LARP1: variants seen among roughly 807,000 people sequenced by gnomAD.
LARP1 encodes the protein la-related protein 1.
LARP1 carries 36 observed loss-of-function variants against 122.7 expected under a neutral mutation model. The ratio of observed to expected loss-of-function variants is 0.29; its 90% CI spans 0.22 to 0.39. The LOEUF (loss-of-function observed/expected upper bound fraction) is 0.39. Among genes scored for constraint, LARP1 ranks in the 10% least tolerant of loss-of-function variants. LARP1 has a pLI of 1.00. For missense variants in LARP1, 1,040 were observed against 1,403.6 expected, an observed-to-expected ratio of 0.74 and a Z score of 4.14; for synonymous variants, 539 against 528.7, an observed-to-expected ratio of 1.02 and a Z score of -0.27.
intron 1 of LARP1, among the ~76,000 whole-genome samples, chr5:154,694,992 G>T (rs1309445449): frequency 6.6e-6 from 1 of 151,870 alleles, no homozygotes; most frequent in Non-Finnish European, 1.5e-5. Context: ...GTGAGCCACT[G>T]CACCTGGCCC....
At chr5:154,711,807 G>T (rs1233073), upstream of LARP1, among the ~76,000 whole-genome samples, 39 of 152,260 alleles carry the variant, frequency 2.6e-4, no homozygotes, top group East Asian at 4.1e-3. Flanking sequence ...CTGCTTCGGG[G>T]ACCTTATACT....
chr5:154,776,570 A>C (rs1006003423), intron 1 of LARP1, among the ~76,000 whole-genome samples: 2 of 152,232 alleles, frequency 1.3e-5, no homozygotes, highest in Non-Finnish European at 2.9e-5. Flanking sequence ...AGTCTCACTC[A>C]TTGGCAGCTC....
At chr5:154,775,092 T>C (rs1755763089) in intron 1 of LARP1, among the ~76,000 whole-genome samples, 1 of 152,112 alleles carries the variant, frequency 6.6e-6, no homozygotes, top group South Asian at 2.1e-4. Context: ...GAGGATCACT[T>C]GAGCCTAGGA....
At chr5:154,778,126 G>C (rs997514706) in intron 1 of LARP1, among the ~76,000 whole-genome samples, 1 of 152,034 alleles carries the variant, frequency 6.6e-6, no homozygotes, top group Non-Finnish European at 1.5e-5. Flanking sequence ...TGGGCGTGGT[G>C]GTGGGCGCCT....
intron 1 of LARP1, among the ~76,000 whole-genome samples, chr5:154,775,516 T>A (rs954035890): frequency 2.7e-5 from 4 of 148,206 alleles, no homozygotes; most frequent in Non-Finnish European, 4.5e-5. Flanking sequence ...AAAAGGCGAC[T>A]CCCCTGCGGC....
chr5:154,746,059 G>C (rs1753180723), intron 1 of LARP1, among the ~76,000 whole-genome samples: 1 of 152,156 alleles, frequency 6.6e-6, no homozygotes, highest in Non-Finnish European at 1.5e-5. Context: ...TGGACTCCCA[G>C]AGTGCCTGGA....
At chr5:154,809,488 T>G (rs1167064624) in intron 16 of LARP1, among the ~76,000 whole-genome samples, 1 of 151,994 alleles carries the variant, frequency 6.6e-6, no homozygotes, top group Non-Finnish European at 1.5e-5. Context: ...TAGTTTCTTC[T>G]TGGCATATTT....
chr5:154,727,002 TG>T (rs1756257237), intron 1 of LARP1, among the ~76,000 whole-genome samples: 1 of 152,226 alleles, frequency 6.6e-6, no homozygotes, highest in Non-Finnish European at 1.5e-5. Flanking sequence ...CCTTGACATG[TG>T]GGGATCATTA....
intron 8 of LARP1, among the ~76,000 whole-genome samples, chr5:154,795,906 T>A (rs1425527459): frequency 1.6e-5 from 2 of 124,220 alleles, no homozygotes; most frequent in African/African-American, 3.1e-5. Context: ...TTATATATTA[T>A]ATATTTATTA....
chr5:154,720,865 CT>C (rs1196353037), intron 1 of LARP1, among the ~76,000 whole-genome samples: 2 of 152,088 alleles, frequency 1.3e-5, no homozygotes, highest in Admixed American at 6.6e-5. Flanking sequence ...CTACGGAACC[CT>C]GAAGATTCTG....
chr5:154,768,533 T>C (rs1755134672), intron 1 of LARP1, among the ~76,000 whole-genome samples: 1 of 152,148 alleles, frequency 6.6e-6, no homozygotes, highest in Non-Finnish European at 1.5e-5. Context: ...TCAGAGTCAA[T>C]AAGCAACCAC....
intron 1 of LARP1, among the ~76,000 whole-genome samples, chr5:154,706,393 A>C (rs1754952467): frequency 6.6e-6 from 1 of 151,920 alleles, no homozygotes; most frequent in Admixed American, 6.6e-5. Context: ...GAATGAAATC[A>C]TGTCCTTTGC....
At chr5:154,785,398 C>T (rs1582404220) in intron 1 of LARP1, among the ~76,000 whole-genome samples, 2 of 152,210 alleles carry the variant, frequency 1.3e-5, no homozygotes, top group East Asian at 3.8e-4. Context: ...CCATCTCTAT[C>T]TCAGAGTGAG....
intron 1 of LARP1, among the ~76,000 whole-genome samples, chr5:154,745,584 G>T (rs1753146273): frequency 6.6e-6 from 1 of 152,168 alleles, no homozygotes; most frequent in South Asian, 2.1e-4. Flanking sequence ...ATTTGCCCAA[G>T]GTTACAGAGC....
At position 154,758,523 on chromosome 5, in the gene LARP1, G is replaced by A. The variant is rs550020065; in HGVS notation, c.436+2330G>A. ...ATTCTATGATTGGGTTGTCAGTCTG[G>A]TAAGGCTAGATGATGACCCTTTCTC... On this transcript the variant is annotated intron_variant, in intron 1 of 18. Coordinates refer to ENST00000518297, the MANE Select transcript of LARP1 (RefSeq NM_033551.3). 4.6e-5 allele frequency among the ~76,000 whole-genome samples: 7 copies of A among 152,290 alleles called. No individual in the cohort carries two copies. In the South Asian group the frequency reaches 1.2e-3, roughly 27 times the overall value.
Position 154,698,105 on chromosome 5 carries a change from T to C in LARP1, c.-180+15068T>C, listed in dbSNP as rs370577711. On this transcript the variant is annotated intron_variant, in intron 1 of 18. Transcript: ENST00000687700. ...TGAGCCTTTAGCAAGTCGTACACTT[T>C]GTATTTTTGCTTTTATTATAATTTT... 2.3e-3 allele frequency among the ~76,000 whole-genome samples: 343 copies of C among 152,320 alleles called. 4 individuals carry two copies. The highest frequency in any genetic ancestry group is 7.7e-3 in the African/African-American group (322 of 41,578).
intron 1 of LARP1, among the ~76,000 whole-genome samples, chr5:154,695,455 G>A (rs944036161): frequency 9.2e-5 from 14 of 152,030 alleles, no homozygotes; most frequent in African/African-American, 3.1e-4. Context: ...TCAGGAGCTC[G>A]AGACCAGCCT....
At chr5:154,752,289 A>G (rs1753543562), upstream of LARP1, among the ~76,000 whole-genome samples, 1 of 151,500 alleles carries the variant, frequency 6.6e-6, no homozygotes, top group East Asian at 1.9e-4. Flanking sequence ...GTCACCTAGG[A>G]TGGAGTGCAG....
Position 154,808,447 on chromosome 5 carries a change from C to G in LARP1, c.2699-12C>G. On this transcript the variant is annotated splice_polypyrimidine_tract_variant and intron_variant, in intron 15 of 18. Transcript: ENST00000518297. ...ACCTGAGACATGCCTTTCCTCCTTT[C>G]TTTCCCATCAGAGCGGAAACGCTTG... The G allele has an allele frequency of 1.2e-6, 2 of 1,609,124 alleles. No individual in the cohort carries two copies. The highest frequency in any genetic ancestry group is 1.7e-6 in the Non-Finnish European group (2 of 1,178,142).
Sources: gnomAD v4.1 joint callset for allele counts (sites outside exome capture counted in the v4.1 genomes callset) on GRCh38, gnomAD v4.1.1 for gene constraint, MANE v1.5 for transcripts, NCBI Gene and HGNC (gene_info 2026-07-23, HGNC 2026-07-21) for gene names.